Variants in GPHN observed in about 807,000 individuals in gnomAD.
GPHN encodes the protein gephyrin.
In GPHN, 17 loss-of-function variants were observed where a neutral mutation model predicts 95.5. The observed-to-expected ratio is 0.18, with a 90% CI of 0.12 to 0.27. The LOEUF (loss-of-function observed/expected upper bound fraction) is 0.27. Ranked by LOEUF, GPHN falls within the 10% of genes least tolerant of loss-of-function variation. GPHN has a pLI of 1.00. For missense variants in GPHN, 660 were observed against 978.1 expected (o/e 0.67, Z 4.34); for synonymous variants, 320 against 322.5 (o/e 0.99, Z 0.08).
At chr14:66,732,342 C>T (rs1030654903) in intron 2 of GPHN, among the ~76,000 whole-genome samples, 1 of 152,236 alleles carries the variant, frequency 6.6e-6, no homozygotes, top group East Asian at 1.9e-4. Context: ...ATTGCATCAG[C>T]GTACCCTGGA....
At chr14:66,801,392 G>A (rs1566959659) in intron 3 of GPHN, among the ~76,000 whole-genome samples, 1 of 152,016 alleles carries the variant, frequency 6.6e-6, no homozygotes, top group Non-Finnish European at 1.5e-5. Flanking sequence ...AAGCTTTAGC[G>A]GGCATCCCAA....
At chr14:66,932,479 T>TTTC (rs2066877816) in intron 8 of GPHN, among the ~76,000 whole-genome samples, 1 of 141,976 alleles carries the variant, frequency 7.0e-6, no homozygotes, top group Non-Finnish European at 1.5e-5. Flanking sequence ...TTTTTTTTTT[T>TTTC]TCAGTGCAGC....
rs545560496 is a variant in GPHN, at chr14:66,893,384, T to G, written c.389+13351T>G. 3.3e-5 allele frequency among the ~76,000 whole-genome samples: 5 copies of G among 152,246 alleles called. No homozygotes were observed. In the South Asian group the frequency reaches 1.0e-3, roughly 32 times the overall value. On this transcript the variant is annotated intron_variant, in intron 5 of 22. Coordinates refer to ENST00000478722, the MANE Select transcript of GPHN (RefSeq NM_020806.5). ...AAGCAGGGTGAGGCATTGCTATTTA[T>G]GACAAACCCACAGCCAGTATCATAC...
intron 1 of GPHN, among the ~76,000 whole-genome samples, chr14:66,541,583 T>G (rs1594884471): frequency 6.6e-6 from 1 of 152,214 alleles, no homozygotes; most frequent in East Asian, 1.9e-4. Flanking sequence ...TTCAGATTTT[T>G]ATGAAGGAGA....
intron 1 of GPHN, among the ~76,000 whole-genome samples, chr14:66,598,751 A>G (rs1027803779): frequency 6.6e-6 from 1 of 151,754 alleles, no homozygotes; most frequent in African/African-American, 2.4e-5. Flanking sequence ...TGGCTGAGGC[A>G]GGAGAATCGC....
At chr14:67,416,247 G>T in the GPHN span, among the ~76,000 whole-genome samples, 1 of 152,210 alleles carries the variant, frequency 6.6e-6, no homozygotes, top group African/African-American at 2.4e-5. Context: ...AACCAGCAGG[G>T]ACAACCCCCA....
chr14:66,906,134 G>C (rs1264871645), intron 5 of GPHN, among the ~76,000 whole-genome samples: 1 of 152,038 alleles, frequency 6.6e-6, no homozygotes. Flanking sequence ...TTCCAGTGTA[G>C]GAAAGCTAAG....
chr14:67,591,660 T>C, the GPHN span: 1 of 152,338 alleles, frequency 6.6e-6, no homozygotes, highest in Admixed American at 6.5e-5. Context: ...GCTTCCCCAG[T>C]AGCTGGGACC....
At chr14:66,525,885 G>C (rs535322678) in intron 1 of GPHN, among the ~76,000 whole-genome samples, 4 of 152,242 alleles carry the variant, frequency 2.6e-5, no homozygotes, top group African/African-American at 9.6e-5. Flanking sequence ...TTTGGTTACT[G>C]TAGCCTTGTA....
At chr14:66,929,629 C>G (rs2066670511) in intron 8 of GPHN, among the ~76,000 whole-genome samples, 1 of 151,006 alleles carries the variant, frequency 6.6e-6, no homozygotes, top group Non-Finnish European at 1.5e-5. Context: ...CTAAGTATAG[C>G]TACTGCTACT....
the GPHN span, among the ~76,000 whole-genome samples, chr14:67,636,412 C>T: frequency 2.0e-5 from 3 of 152,230 alleles, no homozygotes; most frequent in African/African-American, 2.4e-5. Context: ...TGGATAGTGA[C>T]ACCAGCAGAG....
intron 2 of GPHN, among the ~76,000 whole-genome samples, chr14:66,733,107 A>G (rs1287990917): frequency 3.3e-5 from 5 of 152,116 alleles, no homozygotes; most frequent in Non-Finnish European, 4.4e-5. Context: ...TGATTGGATC[A>G]TGGGGGCAGT....
Position 66,921,561 on chromosome 14 carries a change from C to T in GPHN, c.457-1105C>T, listed in dbSNP as rs138948680. On this transcript the variant is annotated intron_variant, in intron 6 of 22. Transcript: ENST00000478722. ...AAACACTGCTGAAAGCAATCATAGA[C>T]GACACAAACAAATGTAAACATATCC... 3.9e-4 allele frequency among the ~76,000 whole-genome samples: 59 copies of T among 151,360 alleles called. 2 individuals carry two copies. In the East Asian group the frequency reaches 9.7e-3, roughly 25 times the overall value.
intron 10 of GPHN, among the ~76,000 whole-genome samples, chr14:67,055,603 G>A (rs778459473): frequency 1.1e-4 from 16 of 152,180 alleles, no homozygotes; most frequent in African/African-American, 1.9e-4. Flanking sequence ...ACATGCATGC[G>A]TATGCTCATT....
At chr14:66,651,839 A>C (rs756965798) in intron 1 of GPHN, among the ~76,000 whole-genome samples, 6 of 152,088 alleles carry the variant, frequency 3.9e-5, no homozygotes, top group East Asian at 3.9e-4. Context: ...CATCACCCCG[A>C]GATGGGACCA....
At chr14:67,492,078 C>T in the GPHN span, among the ~76,000 whole-genome samples, 2 of 152,198 alleles carry the variant, frequency 1.3e-5, no homozygotes, top group African/African-American at 4.8e-5. Context: ...TCCCTCTCCT[C>T]TCCCCCTTCC....
intron 16 of GPHN, among the ~76,000 whole-genome samples, chr14:67,115,578 C>CA (rs1291274546): frequency 6.6e-6 from 1 of 151,850 alleles, no homozygotes. Flanking sequence ...ACTAAAAATA[C>CA]AAAAAAATTA....
intron 1 of GPHN, among the ~76,000 whole-genome samples, chr14:66,635,797 GA>G (rs2064065742): frequency 6.6e-6 from 1 of 152,058 alleles, no homozygotes; most frequent in South Asian, 2.1e-4. Context: ...AACACTCAAA[GA>G]AAAAATTTAT....
At chr14:67,534,220 C>T in the GPHN span, among the ~76,000 whole-genome samples, 1 of 152,074 alleles carries the variant, frequency 6.6e-6, no homozygotes, top group Non-Finnish European at 1.5e-5. Flanking sequence ...TATAGAACAT[C>T]GGTATTAGTG....
Sources: gnomAD v4.1 joint callset for allele counts (sites outside exome capture counted in the v4.1 genomes callset) on GRCh38, gnomAD v4.1.1 for gene constraint, MANE v1.5 for transcripts, NCBI Gene and HGNC (gene_info 2026-07-23, HGNC 2026-07-21) for gene names.